The following WIPF3 variants were observed in gnomAD, a reference collection of about 807,000 sequenced individuals.
WIPF3 encodes the protein WAS/WASL interacting protein family member 3, also known as WAS/WASL-interacting protein family member 3.
WIPF3 carries 33 observed loss-of-function variants against 38.9 expected under a neutral mutation model. The observed-to-expected ratio is 0.85, with a 90% CI of 0.64 to 1.14. The LOEUF is 1.14. Among genes scored for constraint, WIPF3 ranks in the 50% most tolerant of loss-of-function variants. The probability of loss-of-function intolerance (pLI) is 0.00; values close to 1 mark genes in which losing one functional copy is unlikely to be tolerated. For missense variants in WIPF3, 711 were observed against 652.5 expected (o/e 1.09, Z -0.98); for synonymous variants, 324 against 269.3 (o/e 1.20, Z -1.99).
At chr7:29,809,884 A>G (rs1457240727) in intron 1 of WIPF3, among the ~76,000 whole-genome samples, 1 of 152,170 alleles carries the variant, frequency 6.6e-6, no homozygotes, top group African/African-American at 2.4e-5. Context: ...TGTTCATCCT[A>G]TGTGGGTGGT....
rs376122326 is a variant in WIPF3 at position 29,884,590 on chromosome 7, C to T, written c.1096C>T (p.Pro366Ser). The change falls in exon 5 of 9, where the codon CCA (proline) becomes TCA (serine). Residue 366 changes from proline (P) to serine (S), a missense_variant. By Grantham distance (74) the Pro-to-Ser change is moderately conservative. Transcript: ENST00000242140. ...CCTGCAGAAGAAGAGGCATGGCCGA[C>T]CAGGTAAGGAGCGCTGCCTGGCCCA... ...PFLQKKRHGR[P>S]GAGGGKLNPP... The T allele has an allele frequency of 2.0e-5, 32 of 1,604,462 alleles. No homozygotes were observed. Among genetic ancestry groups the T allele is most frequent in the Non-Finnish European group, 2.6e-5 (31 of 1,176,892 alleles).
intron 8 of WIPF3, chr7:29,912,504 T>C (rs1786522539): frequency 5.0e-6 from 1 of 199,754 alleles, no homozygotes; most frequent in African/African-American, 2.3e-5. Flanking sequence ...TTATTTACAA[T>C]AGCTAAAATG....
chr7:29,833,202 G>A (rs1784749642), intron 1 of WIPF3, among the ~76,000 whole-genome samples: 1 of 152,204 alleles, frequency 6.6e-6, no homozygotes, highest in Admixed American at 6.5e-5. Context: ...TGGGTACAGA[G>A]TTTCTGTTTG....
intron 2 of WIPF3, among the ~76,000 whole-genome samples, chr7:29,853,026 C>G (rs1249562999): frequency 6.6e-6 from 1 of 152,176 alleles, no homozygotes; most frequent in Non-Finnish European, 1.5e-5. Context: ...AAAGTAGATT[C>G]TGAGACAAGG....
chr7:29,893,117 A>AG (rs1786061119), intron 7 of WIPF3, among the ~76,000 whole-genome samples: 1 of 151,870 alleles, frequency 6.6e-6, no homozygotes, highest in Admixed American at 6.6e-5. Flanking sequence ...TGGATGGAGG[A>AG]GGTCCTCAGA....
At chr7:29,810,149 T>C (rs1784348553) in intron 1 of WIPF3, among the ~76,000 whole-genome samples, 1 of 152,206 alleles carries the variant, frequency 6.6e-6, no homozygotes, top group Admixed American at 6.5e-5. Context: ...GCTTTATATG[T>C]AGGACATCAC....
chr7:29,811,775 G>A (rs1281308954), intron 1 of WIPF3, among the ~76,000 whole-genome samples: 1 of 152,218 alleles, frequency 6.6e-6, no homozygotes, highest in Non-Finnish European at 1.5e-5. Context: ...CAGTTCCGGA[G>A]ACATAATCCC....
intron 1 of WIPF3, among the ~76,000 whole-genome samples, chr7:29,821,482 C>G (rs1234004354): frequency 6.6e-6 from 1 of 152,090 alleles, no homozygotes; most frequent in Non-Finnish European, 1.5e-5. Context: ...TCTCTAGAGA[C>G]AGGGTCTCCC....
At position 29,884,365 on chromosome 7, in the gene WIPF3, G is replaced by T; in HGVS notation, c.871G>T (p.Ala291Ser). The T allele has an allele frequency of 1.7e-6, 1 of 573,298 alleles. No individual in the cohort carries two copies. Among genetic ancestry groups the T allele is most frequent in the Non-Finnish European group, 2.3e-6 (1 of 438,924 alleles). 35.5% of individuals were successfully genotyped at this position (573,298 alleles called of 1,614,324 possible). A position where few individuals can be genotyped will look rare whatever the true frequency, so the allele number is the denominator to read the frequency against. ...TGCGCAAGATGCGCAGGAGCCTCCC[G>T]CCCCGCCGCCCCCGCTCCCCCCTTA... ...SPAQDAQEPP[A>S]PPPPLPPYAS... Residue 291 changes from alanine to serine, a missense_variant, in exon 5 of 9, where the codon GCC becomes TCC. Coordinates refer to ENST00000242140, the MANE Select transcript of WIPF3 (RefSeq NM_001080529.3).
At position 29,889,373 on chromosome 7, in the gene WIPF3, A is replaced by G; in HGVS notation, c.1317A>G (p.Pro439=). The G allele has an allele frequency of 4.3e-6, 7 of 1,614,004 alleles. No individual in the cohort carries two copies. The highest frequency in any genetic ancestry group is 5.9e-6 in the Non-Finnish European group (7 of 1,179,890). The part of the protein sequence containing the change: ...EDFPPPDEYK[P]CQKIYPSKIP... Reference sequence around the variant, plus strand: ...TTCCCCCTCCGGATGAATATAAACCATGCCAGAAGATTTACCCCAGCAAGA... The same window carrying G: ...TTCCCCCTCCGGATGAATATAAACCGTGCCAGAAGATTTACCCCAGCAAGA... Residue 439 remains proline, a synonymous_variant, in exon 7 of 9, where the codon CCA becomes CCG. Coordinates refer to ENST00000242140, the MANE Select transcript of WIPF3 (RefSeq NM_001080529.3).
At chr7:29,870,320 T>A (rs1355005181) in intron 2 of WIPF3, among the ~76,000 whole-genome samples, 1 of 152,186 alleles carries the variant, frequency 6.6e-6, no homozygotes, top group Non-Finnish European at 1.5e-5. Context: ...TTATAAAGAT[T>A]ACTCTGTCTG....
intron 2 of WIPF3, among the ~76,000 whole-genome samples, chr7:29,860,913 TTG>T (rs1030543793): frequency 6.6e-6 from 1 of 152,026 alleles, no homozygotes. Flanking sequence ...AGGAGTGTGT[TTG>T]TGCACGGTGG....
chr7:29,846,546 C>T (rs549058021), intron 2 of WIPF3, among the ~76,000 whole-genome samples: 4 of 152,278 alleles, frequency 2.6e-5, no homozygotes, highest in East Asian at 3.9e-4. Context: ...ACTAAAAATA[C>T]GAGAATTTGC....
intron 7 of WIPF3, among the ~76,000 whole-genome samples, chr7:29,898,797 T>C (rs1016576277): frequency 1.3e-5 from 2 of 152,244 alleles, no homozygotes; most frequent in Non-Finnish European, 2.9e-5. Flanking sequence ...ATTTCTTTTC[T>C]ACCTAAATAT....
At chr7:29,906,675 T>C (rs1786404276) in intron 8 of WIPF3, among the ~76,000 whole-genome samples, 1 of 151,844 alleles carries the variant, frequency 6.6e-6, no homozygotes, top group Non-Finnish European at 1.5e-5. Flanking sequence ...AATATAAACA[T>C]CCAAAATGCT....
At chr7:29,864,140 G>A (rs117376732) in intron 2 of WIPF3, among the ~76,000 whole-genome samples, 25 of 152,264 alleles carry the variant, frequency 1.6e-4, no homozygotes, top group Non-Finnish European at 2.1e-4. Flanking sequence ...TTACCACTAA[G>A]TGTATTGTCA....
Position 29,823,352 on chromosome 7 carries a change from C to T in WIPF3, c.-57-11316C>T, listed in dbSNP as rs559732769. Among the ~76,000 whole-genome samples the T allele has an allele frequency of 2.0e-5, 3 of 152,166 alleles. No homozygotes were observed. Among genetic ancestry groups the T allele is most frequent in the Non-Finnish European group, 2.9e-5 (2 of 68,032 alleles). ...TTTCGGCTCACTGCAACCTCCGTCT[C>T]CTGGGAGAACCCAACATTCAGAATA... On this transcript the variant is annotated intron_variant, in intron 1 of 8. Coordinates refer to ENST00000242140, the MANE Select transcript of WIPF3 (RefSeq NM_001080529.3). The surrounding 1 kb of genome is among the most constrained non-coding windows in gnomAD (Gnocchi z 4.0).
intron 2 of WIPF3, among the ~76,000 whole-genome samples, chr7:29,849,996 G>T (rs1785067346): frequency 6.6e-6 from 1 of 152,188 alleles, no homozygotes. Context: ...TTTTGTCAGA[G>T]GGAAGGGTAT....
chr7:29,904,669 T>C (rs1039245976), intron 8 of WIPF3: 17 of 326,580 alleles, frequency 5.2e-5, no homozygotes, highest in Non-Finnish European at 8.5e-5. Flanking sequence ...TGATGGCCTG[T>C]GAGAAAAACT....
Sources: gnomAD v4.1 joint callset for allele counts (sites outside exome capture counted in the v4.1 genomes callset) on GRCh38, gnomAD v4.1.1 for gene constraint, Gnocchi (gnomAD v3.1) non-coding constraint, MANE v1.5 for transcripts, NCBI Gene and HGNC (gene_info 2026-07-23, HGNC 2026-07-21) for gene names.